STN1: variants seen among roughly 807,000 people sequenced by gnomAD.
The protein encoded by STN1 is CST complex subunit STN1.
A neutral mutation model predicts 45.5 loss-of-function variants in STN1; 29 were observed. The observed-to-expected ratio is 0.64, with a 90% CI of 0.47 to 0.87. The LOEUF (loss-of-function observed/expected upper bound fraction) is 0.87, where lower values mean the gene tolerates loss of function less well. Among genes scored for constraint, STN1 ranks in the 40% least tolerant of loss-of-function variants. STN1 has a pLI of 0.00. For synonymous variants in STN1, 148 were observed against 159.0 expected, an observed-to-expected ratio of 0.93 and a Z score of 0.52; for missense variants, 376 against 441.4, an observed-to-expected ratio of 0.85 and a Z score of 1.33.
rs1044718549 is a variant in STN1, at chr10:103,889,013, C to T, written c.949+59G>A. On this transcript the variant is annotated intron_variant, in intron 9 of 9. Transcript: ENST00000224950. ...TCCTGACTCTCCATCCAGTGCTCCC[C>T]GGGAGACAGTATCCCCTTCCAGGGC... 2.0e-5 allele frequency: 24 copies of T among 1,230,498 alleles called. 1 individual carries two copies. Among genetic ancestry groups the T allele is most frequent in the East Asian group, 7.0e-5 (3 of 42,964 alleles). The allele number at this position is 1,230,498 out of a possible 1,614,324, so 76.2% of individuals were successfully genotyped here.
intron 2 of STN1, among the ~76,000 whole-genome samples, chr10:103,912,233 T>A (rs572538933): frequency 1.6e-3 from 242 of 152,130 alleles, no homozygotes; most frequent in Middle Eastern, 6.8e-3. Flanking sequence ...ATTTTTAAAA[T>A]TTTTCATAGA....
intron 5 of STN1, 102 bp downstream of exon 5, chr10:103,899,960 C>T (rs1843196133): frequency 9.8e-7 from 1 of 1,020,536 alleles, no homozygotes; most frequent in African/African-American, 1.6e-5. Context: ...AGAGTTATAC[C>T]TTAACTGAAC....
At chr10:103,888,119 C>T (rs1161937108) in intron 9 of STN1, among the ~76,000 whole-genome samples, 1 of 152,208 alleles carries the variant, frequency 6.6e-6, no homozygotes, top group Admixed American at 6.5e-5. Flanking sequence ...TGCTGTCACA[C>T]CACTCTGGGA....
Position 103,917,504 on chromosome 10 carries a change from T to C in STN1, c.91A>G (p.Ile31Val). 1 of 1,614,064 alleles carries C rather than the reference T, an allele frequency of 6.2e-7. No individual in the cohort carries two copies. The highest frequency in any genetic ancestry group is 1.1e-5 in the South Asian group (1 of 91,080). The change falls in exon 2 of 10, where the codon ATC becomes GTC. Residue 31 changes from isoleucine (I) to valine (V), a missense_variant. By Grantham distance (29) the Ile-to-Val change is conservative (BLOSUM62 3). Transcript: ENST00000224950. ...PVFLAFAKLY[I>V]RDILDMKESR... ...TCCTTCATGTCCAGGATATCCCTGA[T>C]GTAGAGTTTTGCAAAGGCTAGAAAC...
intron 3 of STN1, among the ~76,000 whole-genome samples, chr10:103,909,426 A>ATATATATGTATATATG (rs1843269777): frequency 1.8e-5 from 1 of 57,066 alleles, no homozygotes; most frequent in African/African-American, 7.9e-5. Context: ...GTATATATGT[A>ATATATATGTATATATG]TATATATGTA....
chr10:103,904,107 T>G (rs1448706941), intron 4 of STN1, among the ~76,000 whole-genome samples: 1 of 152,178 alleles, frequency 6.6e-6, no homozygotes, highest in East Asian at 1.9e-4. Context: ...GCACTAGATA[T>G]TCTTACCATA....
chr10:103,888,589 G>A (rs1293173003), intron 9 of STN1, among the ~76,000 whole-genome samples: 1 of 152,210 alleles, frequency 6.6e-6, no homozygotes, highest in Non-Finnish European at 1.5e-5. Context: ...AAACAGTCAT[G>A]TCTAGAACCA....
chr10:103,888,033 A>T (rs933937938), intron 9 of STN1, among the ~76,000 whole-genome samples: 9 of 152,214 alleles, frequency 5.9e-5, no homozygotes, highest in Non-Finnish European at 1.5e-5. Context: ...ATTTGCTTTT[A>T]TTGTTCTGAA....
At chr10:103,892,854 A>G (rs1291743763) in intron 7 of STN1, among the ~76,000 whole-genome samples, 1 of 152,082 alleles carries the variant, frequency 6.6e-6, no homozygotes, top group African/African-American at 2.4e-5. Flanking sequence ...CCTCACTTTC[A>G]GTGTCTCTTC....
In STN1 at chr10:103,897,681, A is replaced by G. The variant is rs528812123; in HGVS notation, c.620T>C (p.Leu207Ser). 2 of 1,614,200 alleles carry G rather than the reference A, an allele frequency of 1.2e-6. No homozygotes were observed. The highest frequency in any genetic ancestry group is 1.7e-5 in the Admixed American group (1 of 60,034). Residue 207 changes from leucine to serine, a missense_variant, in exon 7 of 10, where the codon TTG becomes TCG. Coordinates refer to ENST00000224950, the MANE Select transcript of STN1 (RefSeq NM_024928.5). ...GAATTCTTTGGCTTTTTCACTCAGCAAACTCGTGAGACTGGGGAGGTCCAG... is the reference window on the plus strand; with the variant it reads ...GAATTCTTTGGCTTTTTCACTCAGCGAACTCGTGAGACTGGGGAGGTCCAG... Reference protein sequence around the residue: ...GALDLPSLTSLLSEKAKEFLM... With the variant: ...GALDLPSLTSSLSEKAKEFLM...
Position 103,889,071 on chromosome 10 carries a change from C to T in STN1, c.949+1G>A, listed in dbSNP as rs755596138. The T allele has an allele frequency of 2.1e-5, 33 of 1,608,332 alleles. No individual in the cohort carries two copies. Among genetic ancestry groups the T allele is most frequent in the Admixed American group, 3.3e-5 (2 of 59,992 alleles). ...CATCACTTGTACATTATACCACTTA[C>T]GATTTGGTTTCTGGCAGTCCTGCTG... On this transcript the variant is annotated splice_donor_variant, in intron 9 of 9. Coordinates refer to ENST00000224950, the MANE Select transcript of STN1 (RefSeq NM_024928.5). LOFTEE classifies it high-confidence loss of function.
chr10:103,907,867 G>A (rs1441176068), intron 3 of STN1, among the ~76,000 whole-genome samples: 2 of 151,878 alleles, frequency 1.3e-5, no homozygotes, highest in African/African-American at 2.4e-5. Context: ...AGTGGCTCAC[G>A]CCTGTAATCT....
intron 7 of STN1, 59 bp downstream of exon 7, chr10:103,897,489 C>T: frequency 3.4e-6 from 5 of 1,453,042 alleles, no homozygotes; most frequent in Non-Finnish European, 2.9e-6. Flanking sequence ...TCACCCACAC[C>T]TGCAGTTGCA....
At chr10:103,884,644 C>T (rs1843091898) in intron 9 of STN1, among the ~76,000 whole-genome samples, 2 of 152,132 alleles carry the variant, frequency 1.3e-5, no homozygotes, top group African/African-American at 4.8e-5. Context: ...AAGTTGTTTA[C>T]AGATGAAAAA....
intron 2 of STN1, among the ~76,000 whole-genome samples, chr10:103,914,391 T>TTGAGACAGGGTCTTGCTCTGTTG (rs1843314524): frequency 1.4e-5 from 2 of 140,460 alleles, no homozygotes; most frequent in South Asian, 2.2e-4. Flanking sequence ...TTTTTTTTTT[T>TTGAGACAGGGTCTTGCTCTGTTG]TGAGACAGGG....
intron 2 of STN1, among the ~76,000 whole-genome samples, chr10:103,914,370 ATATATTTT>A (rs1843313633): frequency 1.0e-4 from 3 of 29,046 alleles, no homozygotes; most frequent in Non-Finnish European, 1.6e-4. Flanking sequence ...ATATATATAT[ATATATTTT>A]TTTTTTTTTT....
At chr10:103,887,081 C>CA (rs1843108177) in intron 9 of STN1, among the ~76,000 whole-genome samples, 1 of 152,168 alleles carries the variant, frequency 6.6e-6, no homozygotes, top group South Asian at 2.1e-4. Flanking sequence ...GGAAAAACTC[C>CA]AGGCTATATT....
At chr10:103,885,706 G>A (rs1381956360) in intron 9 of STN1, among the ~76,000 whole-genome samples, 2 of 152,246 alleles carry the variant, frequency 1.3e-5, no homozygotes, top group Non-Finnish European at 2.9e-5. Context: ...TCTTCTCTAA[G>A]TGAGAAATTA....
chr10:103,887,869 G>C (rs753500018), intron 9 of STN1, among the ~76,000 whole-genome samples: 1 of 152,190 alleles, frequency 6.6e-6, no homozygotes, highest in Non-Finnish European at 1.5e-5. Flanking sequence ...ATGAAAATAA[G>C]AACCTGGCCA....
Sources: gnomAD v4.1 joint callset for allele counts (sites outside exome capture counted in the v4.1 genomes callset) on GRCh38, gnomAD v4.1.1 for gene constraint, MANE v1.5 for transcripts, NCBI Gene and HGNC (gene_info 2026-07-23, HGNC 2026-07-21) for gene names.